Variants in DIAPH3 observed in about 807,000 individuals in gnomAD.
The protein encoded by DIAPH3 is protein diaphanous homolog 3.
DIAPH3 carries 117 observed loss-of-function variants against 144.3 expected under a neutral mutation model. The observed-to-expected ratio is 0.81, with a 90% CI of 0.70 to 0.95. The LOEUF (loss-of-function observed/expected upper bound fraction) is 0.95, where lower values mean the gene tolerates loss of function less well. DIAPH3 is among the 40% of genes least tolerant of loss of function. The pLI, the probability that DIAPH3 is intolerant of heterozygous loss-of-function variation, is 0.00. For synonymous variants in DIAPH3, 519 were observed against 488.9 expected, an observed-to-expected ratio of 1.06 and a Z score of -0.81; for missense variants, 1,421 against 1,412.7, an observed-to-expected ratio of 1.01 and a Z score of -0.09.
Position 59,911,765 on chromosome 13 carries a change from G to C in DIAPH3, c.2337C>G (p.Asn779Lys), listed in dbSNP as rs746902796. Residue 779 changes from asparagine to lysine, a missense_variant, in exon 20 of 28, where the codon AAC becomes AAG. Coordinates refer to ENST00000400324, the MANE Select transcript of DIAPH3 (RefSeq NM_001042517.2). Reference sequence around the variant, plus strand: ...CCACAAACTGCTCAGGTTCACATAAGTTGCTATATTCACTCTTGAACTGAG... The same window carrying C: ...CCACAAACTGCTCAGGTTCACATAACTTGCTATATTCACTCTTGAACTGAG... ...SLSQFKSEYSNLCEPEQFVVV... is the reference protein window; with the variant it reads ...SLSQFKSEYSKLCEPEQFVVV... 44 of 1,613,460 alleles carry C rather than the reference G, an allele frequency of 2.7e-5. No homozygotes were observed. The highest frequency in any genetic ancestry group is 3.7e-5 in the Non-Finnish European group (44 of 1,179,676).
At chr13:59,788,270 G>A (rs1265382013) in intron 25 of DIAPH3, among the ~76,000 whole-genome samples, 1 of 152,118 alleles carries the variant, frequency 6.6e-6, no homozygotes, top group Non-Finnish European at 1.5e-5. Context: ...ATTTGTTGCT[G>A]AAAAATATAA....
intron 1 of DIAPH3, among the ~76,000 whole-genome samples, chr13:60,152,294 G>T (rs1036986897): frequency 1.3e-5 from 2 of 151,966 alleles, no homozygotes; most frequent in African/African-American, 4.8e-5. Context: ...ATTCAAGAGG[G>T]TGTGTACTTA....
chr13:59,845,637 C>T (rs546728064), intron 22 of DIAPH3, among the ~76,000 whole-genome samples: 1 of 152,272 alleles, frequency 6.6e-6, no homozygotes, highest in East Asian at 1.9e-4. Context: ...CTAATCTGTA[C>T]CTGATCCTGG....
chr13:59,667,997 G>T (rs1385887273), intron 27 of DIAPH3, among the ~76,000 whole-genome samples: 1 of 152,174 alleles, frequency 6.6e-6, no homozygotes, highest in Non-Finnish European at 1.5e-5. Context: ...GATGGATGAG[G>T]ATTTTACACA....
chr13:59,810,932 A>T lies in DIAPH3; in HGVS notation c.3028-9T>A, dbSNP rs1273592946. ...TTCTCCTTTATTGCTTGCTAAAAAA[A>T]TTTTGAAAAATGATCAATTTTAACC... On this transcript the variant is annotated splice_polypyrimidine_tract_variant and intron_variant, in intron 24 of 27. Coordinates refer to ENST00000400324, the MANE Select transcript of DIAPH3 (RefSeq NM_001042517.2). 3.8e-6 allele frequency: 6 copies of T among 1,599,894 alleles called. No homozygotes were observed. The South Asian group carries it at 6.8e-5, about 18-fold the overall frequency.
At chr13:60,124,669 A>G (rs1028914818) in intron 2 of DIAPH3, among the ~76,000 whole-genome samples, 7 of 152,068 alleles carry the variant, frequency 4.6e-5, no homozygotes, top group African/African-American at 1.7e-4. Flanking sequence ...TCTTGGTAAC[A>G]TGGAGAAACC....
intron 23 of DIAPH3, 122 bp from the exon 24 acceptor site, chr13:59,833,393 T>C: frequency 1.4e-6 from 1 of 694,174 alleles, no homozygotes; most frequent in Non-Finnish European, 2.3e-6. Flanking sequence ...ATTCTAAAAT[T>C]ACTTCTAATA....
chr13:59,874,796 T>C (rs73196152), intron 21 of DIAPH3, among the ~76,000 whole-genome samples: 1 of 152,294 alleles, frequency 6.6e-6, no homozygotes, highest in Non-Finnish European at 1.5e-5. Context: ...ATTACCCCAA[T>C]ATAGGAAGTC....
intron 25 of DIAPH3, among the ~76,000 whole-genome samples, chr13:59,797,163 CCA>C (rs1182928224): frequency 6.6e-6 from 1 of 152,052 alleles, no homozygotes; most frequent in East Asian, 1.9e-4. Context: ...TCACTCCTTC[CCA>C]CACTTTCTAT....
chr13:59,714,862 C>T (rs984207215), intron 27 of DIAPH3, among the ~76,000 whole-genome samples: 2 of 151,908 alleles, frequency 1.3e-5, no homozygotes, highest in African/African-American at 4.8e-5. Context: ...TCATACAGCT[C>T]AATTTTATAA....
chr13:59,679,496 G>T (rs1265295484), intron 27 of DIAPH3, among the ~76,000 whole-genome samples: 2 of 152,028 alleles, frequency 1.3e-5, no homozygotes, highest in African/African-American at 4.8e-5. Context: ...CTGTCTCTAT[G>T]GTAACACAAA....
intron 27 of DIAPH3, among the ~76,000 whole-genome samples, chr13:59,670,229 G>A (rs2032279417): frequency 6.6e-6 from 1 of 152,180 alleles, no homozygotes; most frequent in South Asian, 2.1e-4. Context: ...TTCATGAGAA[G>A]TAACAGACAA....
intron 24 of DIAPH3, among the ~76,000 whole-genome samples, chr13:59,825,005 G>A (rs2041301032): frequency 1.3e-5 from 2 of 149,008 alleles, no homozygotes; most frequent in South Asian, 2.2e-4. Context: ...AGCTACATAT[G>A]TCTAACTAAA....
chr13:60,050,314 C>T (rs1201116901), intron 4 of DIAPH3, among the ~76,000 whole-genome samples: 1 of 152,106 alleles, frequency 6.6e-6, no homozygotes, highest in Non-Finnish European at 1.5e-5. Flanking sequence ...AATACAAAGC[C>T]TTGTGGCAGG....
At chr13:59,719,816 A>C (rs1351385526) in intron 27 of DIAPH3, among the ~76,000 whole-genome samples, 1 of 152,144 alleles carries the variant, frequency 6.6e-6, no homozygotes, top group Non-Finnish European at 1.5e-5. Context: ...GGTAAGCATT[A>C]AGACAGAGGG....
intron 12 of DIAPH3, among the ~76,000 whole-genome samples, chr13:59,988,014 A>G (rs2051542870): frequency 6.6e-6 from 1 of 151,882 alleles, no homozygotes; most frequent in East Asian, 2.0e-4. Context: ...GGGTCCCTCA[A>G]GCCATTTAGA....
chr13:59,932,179 T>C (rs534778468), intron 17 of DIAPH3, among the ~76,000 whole-genome samples: 1 of 152,300 alleles, frequency 6.6e-6, no homozygotes, highest in East Asian at 1.9e-4. Flanking sequence ...GAGCAGACTG[T>C]AACTTTTTAA....
In DIAPH3 at chr13:59,774,260, AAAAAT is replaced by A. The variant is rs1303131217; in HGVS notation, c.3260-17_3260-13del. ...ACTCTGCCGAACATCTGTTAAAAAAAAAAATAAAATAAACTTAATATAGAGGTCTG... is the reference window on the plus strand; with the variant it reads ...ACTCTGCCGAACATCTGTTAAAAAAAAAAATAAACTTAATATAGAGGTCTG... On this transcript the variant is annotated splice_polypyrimidine_tract_variant and intron_variant, in intron 26 of 27. Transcript: ENST00000400324. 6.2e-6 allele frequency: 10 copies of A among 1,608,756 alleles called. No homozygotes were observed. Among genetic ancestry groups the A allele is most frequent in the African/African-American group, 5.4e-5 (4 of 74,604 alleles).
intron 19 of DIAPH3, among the ~76,000 whole-genome samples, chr13:59,915,566 C>T (rs2047183489): frequency 6.6e-6 from 1 of 151,992 alleles, no homozygotes; most frequent in Admixed American, 6.6e-5. Context: ...TCAAGATATA[C>T]ATTATTGATT....
Sources: gnomAD v4.1 joint callset for allele counts (sites outside exome capture counted in the v4.1 genomes callset) on GRCh38, gnomAD v4.1.1 for gene constraint, MANE v1.5 for transcripts, NCBI Gene and HGNC (gene_info 2026-07-23, HGNC 2026-07-21) for gene names.